UBE2W: variants seen among roughly 807,000 people sequenced by gnomAD.
The protein encoded by UBE2W is ubiquitin conjugating enzyme E2 W, also known as ubiquitin-conjugating enzyme E2 W.
A neutral mutation model predicts 27.2 loss-of-function variants in UBE2W; 18 were observed. The ratio of observed to expected loss-of-function variants is 0.66; its 90% CI spans 0.46 to 0.98. The LOEUF is 0.98. Among genes scored for constraint, UBE2W ranks in the 50% least tolerant of loss-of-function variants. UBE2W has a pLI of 0.00. For missense variants in UBE2W, 90 were observed against 180.2 expected, an observed-to-expected ratio of 0.50 and a Z score of 2.87; for synonymous variants, 53 against 57.2, an observed-to-expected ratio of 0.93 and a Z score of 0.33.
Position 73,791,128 on chromosome 8 carries a change from T to A in UBE2W, c.*2974A>T, listed in dbSNP as rs545252484. The stretch of plus-strand genomic sequence containing the variant: ...TTCCCTGCTGGCTAAAATGATAAAT[T>A]ATATATTACAAGTAAGTCCTTCAGA... On this transcript the variant is annotated 3_prime_UTR_variant, in exon 6 of 6. Coordinates refer to ENST00000602593, the MANE Select transcript of UBE2W (RefSeq NM_018299.6). 4.1e-6 allele frequency: 4 copies of A among 984,498 alleles called. No homozygotes were observed. The African/African-American group carries it at 7.0e-5, about 17-fold the overall frequency. The allele number at this position is 984,498 out of a possible 1,614,324, so 61.0% of individuals were successfully genotyped here. A position where few individuals can be genotyped will look rare whatever the true frequency, so the allele number is the denominator to read the frequency against.
chr8:73,826,227 A>C (rs1809828929), intron 2 of UBE2W, among the ~76,000 whole-genome samples: 1 of 152,210 alleles, frequency 6.6e-6, no homozygotes, highest in South Asian at 2.1e-4. Flanking sequence ...CATAAACATA[A>C]ATGTGTTATT....
chr8:73,819,705 T>C (rs1056752601), intron 3 of UBE2W, among the ~76,000 whole-genome samples: 4 of 152,246 alleles, frequency 2.6e-5, no homozygotes, highest in African/African-American at 9.6e-5. Context: ...TTGTTATTCT[T>C]TCTTTTAAGG....
At chr8:73,853,169 G>T (rs1456038071) in intron 1 of UBE2W, among the ~76,000 whole-genome samples, 1 of 152,204 alleles carries the variant, frequency 6.6e-6, no homozygotes, top group Non-Finnish European at 1.5e-5. Context: ...TACTGAATCT[G>T]CTGGCACCCT....
At chr8:73,863,867 C>T (rs746468475) in intron 1 of UBE2W, among the ~76,000 whole-genome samples, 16 of 150,174 alleles carry the variant, frequency 1.1e-4, no homozygotes, top group Admixed American at 4.0e-4. Flanking sequence ...CAGGTGATTT[C>T]GATGTGATAT....
intron 4 of UBE2W, among the ~76,000 whole-genome samples, chr8:73,807,791 C>G (rs1808979418): frequency 6.6e-6 from 1 of 152,120 alleles, no homozygotes; most frequent in South Asian, 2.1e-4. Flanking sequence ...ATACTCAATT[C>G]TATTTGCTTA....
In UBE2W at chr8:73,789,213, G is replaced by A. The variant is rs1305186402; in HGVS notation, c.*4889C>T. The A allele has an allele frequency of 2.1e-6, 2 of 971,820 alleles. No individual in the cohort carries two copies. The highest frequency in any genetic ancestry group is 1.3e-4 in the East Asian group (1 of 7,958). 60.2% of individuals were successfully genotyped at this position (971,820 alleles called of 1,614,324 possible). A position where few individuals can be genotyped will look rare whatever the true frequency, so the allele number is the denominator to read the frequency against. ...AGACGAGGCATGGTGGCTTGCACCT[G>A]TAATCCCAGCATTTTGGGAGGCTGA... On this transcript the variant is annotated 3_prime_UTR_variant, in exon 6 of 6. Transcript: ENST00000602593.
chr8:73,843,478 A>G (rs977941344), intron 1 of UBE2W, among the ~76,000 whole-genome samples: 1 of 152,100 alleles, frequency 6.6e-6, no homozygotes, highest in Non-Finnish European at 1.5e-5. Flanking sequence ...ACAAAAAAAT[A>G]AAAAATTTGC....
rs1295389498 is a variant in UBE2W at position 73,791,269 on chromosome 8, A to G, written c.*2833T>C. 2.4e-6 allele frequency: 2 copies of G among 818,586 alleles called. No individual in the cohort carries two copies. The highest frequency in any genetic ancestry group is 3.0e-6 in the Non-Finnish European group (2 of 677,816). 50.7% of individuals were successfully genotyped at this position (818,586 alleles called of 1,614,324 possible). A position where few individuals can be genotyped will look rare whatever the true frequency, so the allele number is the denominator to read the frequency against. On this transcript the variant is annotated 3_prime_UTR_variant, in exon 6 of 6. Transcript: ENST00000602593. ...GCATTAATCCCTACTTGACCAAAGA[A>G]AAAAAAAAAAAAGAAGGGCATCATG...
At chr8:73,871,989 G>A (rs1288618315) in intron 1 of UBE2W, among the ~76,000 whole-genome samples, 1 of 152,042 alleles carries the variant, frequency 6.6e-6, no homozygotes, top group African/African-American at 2.4e-5. Context: ...AACTCCCTGA[G>A]CTCAGGTGAT....
intron 1 of UBE2W, among the ~76,000 whole-genome samples, chr8:73,861,581 C>A (rs1015081196): frequency 1.3e-5 from 2 of 152,064 alleles, no homozygotes; most frequent in African/African-American, 4.8e-5. Context: ...GTGCTGAGAT[C>A]CCAGGCATGA....
chr8:73,784,959 A>G (rs1160201414), downstream of UBE2W, among the ~76,000 whole-genome samples: 2 of 152,106 alleles, frequency 1.3e-5, no homozygotes, highest in East Asian at 3.9e-4. Flanking sequence ...GAAGGACCAA[A>G]TAACTTCAAT....
chr8:73,864,434 A>G (rs892822748), intron 1 of UBE2W, among the ~76,000 whole-genome samples: 10 of 152,208 alleles, frequency 6.6e-5, no homozygotes, highest in Non-Finnish European at 2.9e-5. Flanking sequence ...ACAGTAGTTA[A>G]GCTCTCTACA....
intron 5 of UBE2W, among the ~76,000 whole-genome samples, chr8:73,803,704 T>C (rs1340531580): frequency 1.3e-5 from 2 of 152,234 alleles, no homozygotes; most frequent in Middle Eastern, 3.4e-3. Flanking sequence ...TTATTGATAT[T>C]ACCCCAAATT....
Position 73,791,897 on chromosome 8 carries a change from A to G in UBE2W, c.*2205T>C, listed in dbSNP as rs1808218283. 5.1e-6 allele frequency: 5 copies of G among 984,850 alleles called. No homozygotes were observed. The South Asian group carries it at 2.3e-4, about 46-fold the overall frequency. 61.0% of individuals were successfully genotyped at this position (984,850 alleles called of 1,614,324 possible). ...GAGAGGTATGTTAAAATATTGTCAT[A>G]AAAAACTCAATTGAGGCTATATATG... On this transcript the variant is annotated 3_prime_UTR_variant, in exon 6 of 6. Transcript: ENST00000602593.
chr8:73,863,304 C>A (rs1347263316), intron 1 of UBE2W, among the ~76,000 whole-genome samples: 1 of 143,482 alleles, frequency 7.0e-6, no homozygotes, highest in Non-Finnish European at 1.5e-5. Context: ...TGGAAATCAT[C>A]ATTCTCAGTA....
intron 4 of UBE2W, 136 bp from the exon 5 acceptor site, chr8:73,805,862 A>G: frequency 2.1e-6 from 1 of 478,746 alleles, no homozygotes; most frequent in Non-Finnish European, 3.7e-6. Flanking sequence ...AAAAGAATAA[A>G]AACTATAAAT....
In UBE2W at chr8:73,858,360, C is replaced by CA. The variant is rs10538314; in HGVS notation, c.15+20447dup. ...TGGGTGACAGAGCAAGACTTCATCT[C>CA]AAAAAAAAAAAAAAAAAAAGAACAT... On this transcript the variant is annotated intron_variant, in intron 1 of 5. Coordinates refer to ENST00000602593, the MANE Select transcript of UBE2W (RefSeq NM_018299.6). Among the ~76,000 whole-genome samples, 768 of 90,298 alleles carry CA rather than the reference C, an allele frequency of 8.5e-3. 7 individuals carry two copies. The highest frequency in any genetic ancestry group is 0.024 in the African/African-American group (633 of 26,594). 59.2% of individuals were successfully genotyped at this position (90,298 alleles called of 152,430 possible). A position where few individuals can be genotyped will look rare whatever the true frequency, so the allele number is the denominator to read the frequency against.
chr8:73,877,149 T>C (rs1464102786), intron 1 of UBE2W, among the ~76,000 whole-genome samples: 2 of 152,246 alleles, frequency 1.3e-5, no homozygotes, highest in African/African-American at 2.4e-5. Flanking sequence ...TTAATCTTAA[T>C]ACAGATAATA....
At chr8:73,806,216 A>G (rs1182808632) in intron 4 of UBE2W, among the ~76,000 whole-genome samples, 1 of 152,114 alleles carries the variant, frequency 6.6e-6, no homozygotes, top group Non-Finnish European at 1.5e-5. Flanking sequence ...TGATGAGAAA[A>G]GTCAAATTCA....
Sources: allele counts gnomAD v4.1 joint callset (sites outside exome capture counted in the v4.1 genomes callset), GRCh38; gene constraint gnomAD v4.1.1; transcripts MANE v1.5; gene names NCBI Gene and HGNC (gene_info 2026-07-23, HGNC 2026-07-21).